The following KLHL1 variants were observed in gnomAD, a reference collection of about 807,000 sequenced individuals.
KLHL1 encodes kelch like family member 1.
A neutral mutation model predicts 77.7 loss-of-function variants in KLHL1; 47 were observed. The observed-to-expected ratio is 0.60, with a 90% CI of 0.48 to 0.77. The LOEUF (loss-of-function observed/expected upper bound fraction) is 0.77. KLHL1 is among the 30% of genes least tolerant of loss of function. KLHL1 has a pLI of 0.00. For missense variants in KLHL1, 925 were observed against 910.8 expected (o/e 1.02, Z -0.20); for synonymous variants, 360 against 325.2 (o/e 1.11, Z -1.15).
chr13:69,975,123 A>G lies in KLHL1; in HGVS notation c.680+497T>C, dbSNP rs192305091. On this transcript the variant is annotated intron_variant, in intron 2 of 10. Coordinates refer to ENST00000377844, the MANE Select transcript of KLHL1 (RefSeq NM_020866.3). Reference sequence around the variant, plus strand: ...CAAATGAATTATGGCTTTAAAAATAATATCAGTATGACACAATTTTAAATA... The same window carrying G: ...CAAATGAATTATGGCTTTAAAAATAGTATCAGTATGACACAATTTTAAATA... 1.8e-3 allele frequency among the ~76,000 whole-genome samples: 267 copies of G among 152,194 alleles called. 2 individuals are homozygous for G. Among genetic ancestry groups the G allele is most frequent in the African/African-American group, 6.3e-3 (260 of 41,558 alleles).
At chr13:69,867,641 A>G (rs1447996877) in intron 5 of KLHL1, among the ~76,000 whole-genome samples, 1 of 151,974 alleles carries the variant, frequency 6.6e-6, no homozygotes, top group Non-Finnish European at 1.5e-5. Context: ...TTAAATCATC[A>G]TTTCATTCCA....
At position 69,993,095 on chromosome 13, in the gene KLHL1, A is replaced by G. The variant is rs148084771; in HGVS notation, c.498-17293T>C. 5.9e-3 allele frequency among the ~76,000 whole-genome samples: 898 copies of G among 152,114 alleles called. 7 individuals carry two copies. The highest frequency in any genetic ancestry group is 0.024 in the Middle Eastern group (7 of 294). On this transcript the variant is annotated intron_variant, in intron 1 of 10. Transcript: ENST00000377844. ...CCTATATATACATATATAATTTTTC[A>G]ATCTTATATTGAATGAATGTCATGT...
At position 69,721,790 on chromosome 13, in the gene KLHL1, A is replaced by G. The variant is rs1243682348; in HGVS notation, c.1803-2209T>C. 2.0e-5 allele frequency among the ~76,000 whole-genome samples: 3 copies of G among 152,046 alleles called. No homozygotes were observed. The East Asian group carries it at 5.8e-4, about 29-fold the overall frequency. On this transcript the variant is annotated intron_variant, in intron 8 of 10. Coordinates refer to ENST00000377844, the MANE Select transcript of KLHL1 (RefSeq NM_020866.3). ...CCCAAGTGTTCCCTTGATGCGTGTAATACCTCTTTGCTTGATTACTCACAA... is the reference window on the plus strand; with the variant it reads ...CCCAAGTGTTCCCTTGATGCGTGTAGTACCTCTTTGCTTGATTACTCACAA...
chr13:69,808,839 A>G (rs1207505246), intron 6 of KLHL1, among the ~76,000 whole-genome samples: 1 of 148,738 alleles, frequency 6.7e-6, no homozygotes, highest in Non-Finnish European at 1.5e-5. Context: ...TCAAAATTTA[A>G]AAGATGACAT....
intron 8 of KLHL1, among the ~76,000 whole-genome samples, chr13:69,730,664 C>A (rs1347700714): frequency 1.3e-5 from 2 of 152,026 alleles, no homozygotes; most frequent in African/African-American, 4.8e-5. Context: ...CCTCAACTTC[C>A]TGATTCAAGT....
At chr13:69,841,542 T>C (rs1029801313) in intron 5 of KLHL1, among the ~76,000 whole-genome samples, 3 of 151,646 alleles carry the variant, frequency 2.0e-5, no homozygotes, top group Non-Finnish European at 4.4e-5. Context: ...AAAACACTAA[T>C]GAAAGAAATT....
intron 5 of KLHL1, among the ~76,000 whole-genome samples, chr13:69,872,797 C>T (rs1880631812): frequency 2.0e-5 from 3 of 152,024 alleles, no homozygotes; most frequent in Admixed American, 6.6e-5. Context: ...TTTTAACAAC[C>T]GGCTCTTGTG....
chr13:70,024,174 C>G (rs1195045760), intron 1 of KLHL1, among the ~76,000 whole-genome samples: 1 of 151,812 alleles, frequency 6.6e-6, no homozygotes, highest in African/African-American at 2.4e-5. Flanking sequence ...AACCTTGAAC[C>G]AAACAAAATA....
chr13:69,764,928 G>GATTTT (rs1566226655), intron 7 of KLHL1, among the ~76,000 whole-genome samples: 1 of 36,804 alleles, frequency 2.7e-5, no homozygotes, highest in Non-Finnish European at 5.6e-5. Flanking sequence ...GTATATCTTT[G>GATTTT]CTTTTTTTTT....
intron 10 of KLHL1, among the ~76,000 whole-genome samples, chr13:69,702,396 TTG>T (rs1875437412): frequency 1.3e-5 from 2 of 151,726 alleles, no homozygotes. Flanking sequence ...TTTACAGAGT[TTG>T]TAATGAAAAT....
Position 69,707,731 on chromosome 13 carries a change from C to T in KLHL1, c.2081G>A (p.Gly694Glu). ...APLSMPRDAVGVCLLGDRLYA... is the reference protein window; with the variant it reads ...APLSMPRDAVEVCLLGDRLYA... ...TAATCTGTCACCAAGGAGACAGACC[C>T]CAACAGCATCTCTGGGCATACTCAA... The change falls in exon 10 of 11, where the codon GGG (glycine) becomes GAG (glutamate). Residue 694 changes from glycine to glutamate, a missense_variant. Transcript: ENST00000377844. The T allele has an allele frequency of 2.5e-6, 4 of 1,612,902 alleles. No homozygotes were observed.
chr13:69,920,731 C>T (rs913304411), intron 4 of KLHL1, among the ~76,000 whole-genome samples: 6 of 151,946 alleles, frequency 3.9e-5, no homozygotes, highest in Admixed American at 2.6e-4. Context: ...AAAATGCTCT[C>T]GTTCAAAGAA....
chr13:69,913,689 T>C (rs1374784874), intron 4 of KLHL1, among the ~76,000 whole-genome samples: 1 of 152,216 alleles, frequency 6.6e-6, no homozygotes, highest in Non-Finnish European at 1.5e-5. Flanking sequence ...ATGGATTGCT[T>C]GTTCAATGAA....
rs1172324908 is a variant in KLHL1 at position 69,764,916 on chromosome 13, A to G, written c.1640-24360T>C. ...CCTTTTCTCCTTTTCTCATGCTTTC[A>G]TGTATATCTTTGCTTTTTTTTTTTT... On this transcript the variant is annotated intron_variant, in intron 7 of 10. Coordinates refer to ENST00000377844, the MANE Select transcript of KLHL1 (RefSeq NM_020866.3). 3.4e-5 allele frequency among the ~76,000 whole-genome samples: 3 copies of G among 86,966 alleles called. No individual in the cohort carries two copies. In the East Asian group the frequency reaches 1.2e-3, roughly 34 times the overall value. 57.1% of individuals were successfully genotyped at this position (86,966 alleles called of 152,430 possible).
intron 1 of KLHL1, among the ~76,000 whole-genome samples, chr13:70,057,469 CAAAAAAAAAAAAA>C (rs56235725): frequency 1.1e-5 from 1 of 87,110 alleles, no homozygotes; most frequent in Non-Finnish European, 2.2e-5. Flanking sequence ...AAAGACACAT[CAAAAAAAAAAAAA>C]AAAAAAAAAA....
chr13:70,091,473 C>T (rs749241896), intron 1 of KLHL1, among the ~76,000 whole-genome samples: 61 of 152,232 alleles, frequency 4.0e-4, no homozygotes, highest in Non-Finnish European at 6.0e-4. Context: ...CCGGCCATCT[C>T]CTACTCTCTA....
In KLHL1 at chr13:69,988,603, C is replaced by T. The variant is rs554494938; in HGVS notation, c.498-12801G>A. On this transcript the variant is annotated intron_variant, in intron 1 of 10. Coordinates refer to ENST00000377844, the MANE Select transcript of KLHL1 (RefSeq NM_020866.3). ...GTAGAGTGTAAGCATTCCCTTTCCT[C>T]TGCAACCTTGCTAGCATGTGTTATT... Among the ~76,000 whole-genome samples, 4 of 152,248 alleles carry T rather than the reference C, an allele frequency of 2.6e-5. No homozygotes were observed. In the East Asian group the frequency reaches 7.7e-4, roughly 29 times the overall value.
intron 1 of KLHL1, among the ~76,000 whole-genome samples, chr13:70,018,576 G>T (rs1386647573): frequency 2.0e-5 from 3 of 152,214 alleles, no homozygotes; most frequent in Non-Finnish European, 4.4e-5. Flanking sequence ...GGATGACTGT[G>T]CTGTTTAGTG....
At chr13:70,008,652 C>T (rs1885460996) in intron 1 of KLHL1, among the ~76,000 whole-genome samples, 1 of 152,030 alleles carries the variant, frequency 6.6e-6, no homozygotes, top group South Asian at 2.1e-4. Context: ...AATTATTCTC[C>T]TCACATCTTT....
Sources: gnomAD v4.1 joint callset for allele counts (sites outside exome capture counted in the v4.1 genomes callset) on GRCh38, gnomAD v4.1.1 for gene constraint, MANE v1.5 for transcripts, NCBI Gene and HGNC (gene_info 2026-07-23, HGNC 2026-07-21) for gene names.